LRRC74A: variants seen among roughly 807,000 people sequenced by gnomAD.
LRRC74A encodes leucine-rich repeat-containing protein 74A.
Under a neutral mutation model 57.9 loss-of-function variants are expected in LRRC74A, and 44 were observed. The observed-to-expected ratio is 0.76, with a 90% confidence interval of 0.60 to 0.98. The LOEUF (loss-of-function observed/expected upper bound fraction) is 0.98, where lower values mean the gene tolerates loss of function less well. LRRC74A is among the 50% of genes least tolerant of loss of function. The pLI is 0.00. For missense variants in LRRC74A, 572 were observed against 574.0 expected (o/e 1.00, Z 0.04); for synonymous variants, 211 against 219.4 (o/e 0.96, Z 0.34).
At chr14:76,829,123 A>G (rs1054124990) in intron 2 of LRRC74A, 1 of 1,289,266 alleles carries the variant, frequency 7.8e-7, no homozygotes, top group African/African-American at 1.5e-5. Flanking sequence ...GAAAGAGAAC[A>G]CTTGTGAAGC....
chr14:76,829,683 G>A (rs1340567542), intron 2 of LRRC74A, among the ~76,000 whole-genome samples: 1 of 152,192 alleles, frequency 6.6e-6, no homozygotes, highest in African/African-American at 2.4e-5. Flanking sequence ...AAACCTGGGG[G>A]TTACCTTCCC....
rs564111087 is a variant in LRRC74A, at chr14:76,864,268, C to T, written c.1201-1700C>T. On this transcript the variant is annotated intron_variant, in intron 11 of 13. Transcript: ENST00000689127. ...CACTCCGGAAGGGTGGGAGGCCGTG[C>T]ACTCCAGAAAGGGAAGTGTGGGGAA... 1.1e-4 allele frequency among the ~76,000 whole-genome samples: 17 copies of T among 152,138 alleles called. No individual in the cohort carries two copies. The South Asian group carries it at 3.1e-3, about 28-fold the overall frequency.
At chr14:76,831,762 G>A (rs1182686889) in intron 3 of LRRC74A, among the ~76,000 whole-genome samples, 1 of 152,100 alleles carries the variant, frequency 6.6e-6, no homozygotes, top group Non-Finnish European at 1.5e-5. Context: ...TGCTGTAAAT[G>A]GGTTTACTAC....
intron 3 of LRRC74A, among the ~76,000 whole-genome samples, chr14:76,832,962 G>A (rs1896072256): frequency 1.3e-5 from 2 of 152,100 alleles, no homozygotes; most frequent in South Asian, 4.1e-4. Context: ...CTGCAAGCTG[G>A]GCTGATTCCC....
rs538090258 is a variant in LRRC74A at position 76,836,250 on chromosome 14, T to C, written c.383T>C (p.Ile128Thr). 1.9e-6 allele frequency: 3 copies of C among 1,613,906 alleles called. No individual in the cohort carries two copies. The highest frequency in any genetic ancestry group is 2.2e-5 in the South Asian group (2 of 91,046). The change falls in exon 4 of 14, where the codon ATC becomes ACC. Residue 128 changes from isoleucine (I) to threonine (T), a missense_variant. Physicochemically the swap from Ile to Thr is moderately conservative, Grantham distance 89. Transcript: ENST00000689127. ...AAACTGGAGCTGGAAGACAATTGCATCATGGAGGAGGGCGTCTTGAGCCTG... is the reference window on the plus strand; with the variant it reads ...AAACTGGAGCTGGAAGACAATTGCACCATGGAGGAGGGCGTCTTGAGCCTG... ...VTKLELEDNCIMEEGVLSLVE... is the reference protein window; with the variant it reads ...VTKLELEDNCTMEEGVLSLVE...
chr14:76,860,057 A>C (rs1256293614), intron 10 of LRRC74A, among the ~76,000 whole-genome samples: 1 of 152,158 alleles, frequency 6.6e-6, no homozygotes, highest in Non-Finnish European at 1.5e-5. Context: ...AGATGCTCCT[A>C]GAACTTTCTC....
chr14:76,853,386 C>T lies in LRRC74A; in HGVS notation c.933C>T (p.Ser311=), dbSNP rs370400927. ...GASKISKGLE[S]NESLRVLKLF... is the part of the protein sequence containing the mutation. The stretch of plus-strand genomic sequence containing the variant: ...CCAAAATCAGCAAAGGACTGGAATC[C>T]AATGAAAGCCTCAGAGTTCTGAAGG... The change falls in exon 9 of 14, where the codon TCC becomes TCT. Residue 311 remains serine (S), a synonymous_variant. Transcript: ENST00000689127. 4.5e-5 allele frequency: 72 copies of T among 1,609,732 alleles called. No homozygotes were observed. The highest frequency in any genetic ancestry group is 5.2e-5 in the Non-Finnish European group (61 of 1,178,598).
Position 76,831,344 on chromosome 14 carries a change from G to C in LRRC74A, c.308G>C (p.Arg103Thr), listed in dbSNP as rs200575556. The change falls in exon 3 of 14, where the codon AGG (arginine) becomes ACG (threonine). Residue 103 changes from arginine (R) to threonine (T), a missense_variant. Coordinates refer to ENST00000689127, the MANE Select transcript of LRRC74A (RefSeq NM_001385106.1). ...VNLNHHGLGPRGTKAIAIALV... is the reference protein window; with the variant it reads ...VNLNHHGLGPTGTKAIAIALV... ...CTCAACCACCACGGCCTGGGCCCCAGGGGTACCAAGGCTATTGCTATAGCC... is the reference window on the plus strand; with the variant it reads ...CTCAACCACCACGGCCTGGGCCCCACGGGTACCAAGGCTATTGCTATAGCC... 1.2e-6 allele frequency: 2 copies of C among 1,613,640 alleles called. No individual in the cohort carries two copies. Among genetic ancestry groups the C allele is most frequent in the Non-Finnish European group, 1.7e-6 (2 of 1,179,900 alleles).
At chr14:76,867,507 C>A in intron 13 of LRRC74A, 69 bp downstream of exon 13, 1 of 804,284 alleles carries the variant, frequency 1.2e-6, no homozygotes, top group East Asian at 2.6e-5. Flanking sequence ...GTGAGCTCCT[C>A]CAGCTTTCCT....
Position 76,837,902 on chromosome 14 carries a change from G to A in LRRC74A, c.475G>A (p.Glu159Lys), listed in dbSNP as rs370337650. 2.4e-5 allele frequency: 38 copies of A among 1,591,896 alleles called. No individual in the cohort carries two copies. Among genetic ancestry groups the A allele is most frequent in the Non-Finnish European group, 3.2e-5 (37 of 1,167,820 alleles). The change falls in exon 5 of 14, where the codon GAG becomes AAG. Residue 159 changes from glutamate (E) to lysine (K), a missense_variant. Transcript: ENST00000689127. ...TATTTCCAACAATCACCTTGGTTTG[G>A]AGGGGGCCAGAATCATCTCAGATTT... ...MNISNNHLGL[E>K]GARIISDFFE...
intron 9 of LRRC74A, among the ~76,000 whole-genome samples, chr14:76,856,952 T>C (rs1000961938): frequency 2.1e-5 from 3 of 145,020 alleles, no homozygotes; most frequent in Non-Finnish European, 4.5e-5. Context: ...AGCAGTGAGA[T>C]GGATAAGTTG....
At position 76,844,886 on chromosome 14, in the gene LRRC74A, C is replaced by G. The variant is rs754294572; in HGVS notation, c.661C>G (p.Leu221Val). 1 of 1,581,138 alleles carries G rather than the reference C, an allele frequency of 6.3e-7. No individual in the cohort carries two copies. The highest frequency in any genetic ancestry group is 1.3e-5 in the African/African-American group (1 of 74,264). Residue 221 changes from leucine (L) to valine (V), a missense_variant, in exon 7 of 14, where the codon CTG (leucine) becomes GTG (valine). Leu to Val is a conservative substitution (Grantham distance 32). Transcript: ENST00000689127. ...NQFSDVGGEH[L>V]GQMLAINVGL... The stretch of plus-strand genomic sequence containing the variant: ...ATTCTCTGATGTAGGAGGGGAGCAC[C>G]TGGGCCAGATGCTGGGTGAGTCTCC...
chr14:76,864,327 G>A (rs1898572984), intron 11 of LRRC74A, among the ~76,000 whole-genome samples: 1 of 149,914 alleles, frequency 6.7e-6, no homozygotes, highest in Non-Finnish European at 1.5e-5. Context: ...GAACCCTGAG[G>A]AAATGCTTCG....
intron 9 of LRRC74A, among the ~76,000 whole-genome samples, chr14:76,856,537 TGG>T (rs1897889548): frequency 6.6e-6 from 1 of 150,622 alleles, no homozygotes; most frequent in South Asian, 2.1e-4. Context: ...GATGGATGGA[TGG>T]ATGGATGGAT....
rs1479402628 is a variant in LRRC74A, at chr14:76,840,576, A to G, written c.544+2605A>G. Among the ~76,000 whole-genome samples the G allele has an allele frequency of 3.4e-5, 5 of 146,090 alleles. No homozygotes were observed. In the East Asian group the frequency reaches 9.9e-4, roughly 29 times the overall value. ...TCTATTTTATTTCATTAATCTATTTATGTATTTCTTTTTTTTTTTTTTTTT... is the reference window on the plus strand; with the variant it reads ...TCTATTTTATTTCATTAATCTATTTGTGTATTTCTTTTTTTTTTTTTTTTT... On this transcript the variant is annotated intron_variant, in intron 5 of 13. Coordinates refer to ENST00000689127, the MANE Select transcript of LRRC74A (RefSeq NM_001385106.1).
intron 5 of LRRC74A, among the ~76,000 whole-genome samples, chr14:76,840,178 G>A (rs996243147): frequency 6.6e-6 from 1 of 152,114 alleles, no homozygotes; most frequent in Non-Finnish European, 1.5e-5. Flanking sequence ...CAGGAGTGGT[G>A]GCATGTACCG....
At chr14:76,837,667 C>T (rs1896450966) in intron 4 of LRRC74A, among the ~76,000 whole-genome samples, 2 of 152,120 alleles carry the variant, frequency 1.3e-5, no homozygotes, top group Admixed American at 1.3e-4. Context: ...CGGGTCCCAC[C>T]GGGAGGCCCT....
At chr14:76,849,004 C>T (rs1257840395) in intron 7 of LRRC74A, among the ~76,000 whole-genome samples, 1 of 152,088 alleles carries the variant, frequency 6.6e-6, no homozygotes, top group African/African-American at 2.4e-5. Context: ...CAGTTCAGAC[C>T]ACTAGGGTTG....
chr14:76,834,591 G>C (rs1356906211), intron 3 of LRRC74A, among the ~76,000 whole-genome samples: 2 of 152,142 alleles, frequency 1.3e-5, no homozygotes, highest in East Asian at 3.8e-4. Context: ...CCTTGCATGT[G>C]GGGGCAGCAG....
Sources: gnomAD v4.1 joint callset for allele counts (sites outside exome capture counted in the v4.1 genomes callset) on GRCh38, gnomAD v4.1.1 for gene constraint, MANE v1.5 for transcripts, NCBI Gene and HGNC (gene_info 2026-07-23, HGNC 2026-07-21) for gene names.